Variants in POLR1C observed in about 807,000 individuals in gnomAD.
POLR1C encodes the protein RNA polymerase I and III subunit C, also known as DNA-directed RNA polymerases I and III subunit RPAC1.
POLR1C carries 42 observed loss-of-function variants against 38.3 expected under a neutral mutation model. The ratio of observed to expected loss-of-function variants is 1.10; its 90% CI spans 0.86 to 1.42. POLR1C has a LOEUF of 1.42. Ranked by LOEUF, POLR1C falls within the 40% of genes most tolerant of loss-of-function variation. The pLI, the probability that POLR1C is intolerant of heterozygous loss-of-function variation, is 0.00. For missense variants in POLR1C, 507 were observed against 450.5 expected (o/e 1.13, Z -1.14); for synonymous variants, 163 against 163.9 (o/e 0.99, Z 0.04).
chr6:43,529,008 T>G (rs1257714541), intron 8 of POLR1C: 1 of 1,320,598 alleles, frequency 7.6e-7, no homozygotes, highest in African/African-American at 1.5e-5. Flanking sequence ...CTGGGCAGAA[T>G]CAATCCCTAA....
chr6:43,534,381 A>G (rs1040115606), downstream of POLR1C, among the ~76,000 whole-genome samples: 1 of 152,218 alleles, frequency 6.6e-6, no homozygotes, highest in Admixed American at 6.5e-5. Context: ...GTAGGAACAC[A>G]GAGGAGGTGG....
downstream of POLR1C, among the ~76,000 whole-genome samples, chr6:43,521,824 C>T (rs181274288): frequency 5.3e-5 from 8 of 152,184 alleles, no homozygotes; most frequent in East Asian, 1.4e-3. Flanking sequence ...TGAGCCACCG[C>T]GAAAAACAGG....
intron 10 of POLR1C, chr6:43,555,359 A>C (rs1306983852): frequency 6.5e-6 from 1 of 153,996 alleles, no homozygotes; most frequent in East Asian, 1.9e-4. Context: ...ATTATTCTGA[A>C]TTTATGTAAA....
At chr6:43,524,011 G>A (rs1793369371), downstream of POLR1C, 1 of 1,610,936 alleles carries the variant, frequency 6.2e-7, no homozygotes, top group African/African-American at 1.3e-5. Flanking sequence ...GGTTTCTGTG[G>A]AAAACAAATG....
In POLR1C at chr6:43,527,430, C is replaced by T. The variant is rs966180720; in HGVS notation, c.923-1819C>T. 1.6e-5 allele frequency: 8 copies of T among 491,152 alleles called. No individual in the cohort carries two copies. In the East Asian group the frequency reaches 2.3e-4, roughly 14 times the overall value. The allele number at this position is 491,152 out of a possible 1,614,324, so 30.4% of individuals were successfully genotyped here. A position where few individuals can be genotyped will look rare whatever the true frequency, so the allele number is the denominator to read the frequency against. ...GGGACTACAGGCCTGCGCGCCACTA[C>T]GCCCAGCTAATTTTTGTATTATTAG... On this transcript the variant is annotated intron_variant, in intron 8 of 8. Transcript: ENST00000304004.
chr6:43,525,447 G>A (rs925759108), downstream of POLR1C: 3 of 534,418 alleles, frequency 5.6e-6, no homozygotes, highest in Non-Finnish European at 9.9e-6. Flanking sequence ...TTAGGAGCTG[G>A]AGTTTTAAAT....
chr6:43,543,729 C>T (rs1052655317), intron 9 of POLR1C, among the ~76,000 whole-genome samples: 1 of 151,666 alleles, frequency 6.6e-6, no homozygotes, highest in African/African-American at 2.4e-5. Context: ...ACAGGGAAGA[C>T]TCTTCCCTGT....
chr6:43,553,403 G>A, intron 10 of POLR1C: 2 of 1,607,832 alleles, frequency 1.2e-6, no homozygotes, highest in Non-Finnish European at 1.7e-6. Flanking sequence ...ACATCTGGGT[G>A]ATAACACTTT....
intron 9 of POLR1C, chr6:43,548,406 G>A (rs1463092890): frequency 6.2e-7 from 1 of 1,609,762 alleles, no homozygotes. Context: ...TGTGTCAGGA[G>A]TAGCTCATTG....
chr6:43,523,970 G>A (rs755270020), downstream of POLR1C: 20 of 1,613,886 alleles, frequency 1.2e-5, no homozygotes, highest in Non-Finnish European at 1.5e-5. Context: ...GATTCTTAAT[G>A]TGAACTTCTT....
Position 43,521,372 on chromosome 6 carries a change from G to A in POLR1C, c.*72G>A. On this transcript the variant is annotated 3_prime_UTR_variant, in exon 9 of 9. Transcript: ENST00000642195. Reference sequence around the variant, plus strand: ...CCACCCTACAGGACTGCTGAACAGAGAGCCCAGTGTGACTAGGGATCCTGA... The same window carrying A: ...CCACCCTACAGGACTGCTGAACAGAAAGCCCAGTGTGACTAGGGATCCTGA... 1 of 1,609,692 alleles carries A rather than the reference G, an allele frequency of 6.2e-7. No homozygotes were observed. The highest frequency in any genetic ancestry group is 1.3e-5 in the African/African-American group (1 of 74,968).
rs531214106 is a variant in POLR1C, at chr6:43,539,077, C to G, written c.*4+9718C>G. The G allele has an allele frequency of 4.1e-4, 582 of 1,433,276 alleles. 3 individuals are homozygous for G. The African/African-American group carries it at 7.2e-3, about 18-fold the overall frequency. The allele number at this position is 1,433,276 out of a possible 1,614,324, so 88.8% of individuals were successfully genotyped here. A position where few individuals can be genotyped will look rare whatever the true frequency, so the allele number is the denominator to read the frequency against. ...CAGCCATCATGAGCAGCTTCTTGGG[C>G]ACAGGTGCGGAGACAATGCCAGTGC... On this transcript the variant is annotated intron_variant, in intron 9 of 10. Coordinates refer to the POLR1C transcript ENST00000607635.
At chr6:43,520,905 TAA>T (rs1171110573) in intron 7 of POLR1C, 25 bp from the exon 8 acceptor site, 1 of 1,610,152 alleles carries the variant, frequency 6.2e-7, no homozygotes, top group Non-Finnish European at 8.5e-7. Flanking sequence ...GAAAAAGGAA[TAA>T]AAAAACATGG....
At chr6:43,517,681 G>C (rs945374904) in intron 2 of POLR1C, among the ~76,000 whole-genome samples, 26 of 152,146 alleles carry the variant, frequency 1.7e-4, no homozygotes. Flanking sequence ...AGACCAGGAA[G>C]AGGGGCGGAG....
At chr6:43,549,829 T>A in intron 9 of POLR1C, 1 of 1,481,032 alleles carries the variant, frequency 6.8e-7, no homozygotes, top group Non-Finnish European at 9.3e-7. Flanking sequence ...ATAAACTGAG[T>A]ATCAGGTATT....
intron 9 of POLR1C, among the ~76,000 whole-genome samples, chr6:43,545,227 C>A (rs1315526658): frequency 1.3e-5 from 2 of 152,138 alleles, no homozygotes; most frequent in Non-Finnish European, 2.9e-5. Flanking sequence ...ATCAGACACT[C>A]CAGCCCTCCA....
downstream of POLR1C, chr6:43,522,702 CG>C: frequency 2.0e-6 from 1 of 498,702 alleles, no homozygotes. Flanking sequence ...CTTCGGCTCT[CG>C]GGGAAACCCT....
At chr6:43,525,318 C>T (rs1036332533), downstream of POLR1C, 9 of 1,112,500 alleles carry the variant, frequency 8.1e-6, no homozygotes, top group African/African-American at 4.7e-5. Flanking sequence ...TTCCTCCCCC[C>T]CTCTAAAGAT....
In POLR1C at chr6:43,519,405, A is replaced by T. The variant is rs755497110; in HGVS notation, c.214A>T (p.Ile72Phe). The stretch of plus-strand genomic sequence containing the variant: ...TGACATGGTGGGAATTGACGCAGCC[A>T]TTGCCAATGCTTTTCGACGAATTCT... ...EFDMVGIDAA[I>F]ANAFRRILLA... Residue 72 changes from isoleucine (I) to phenylalanine (F), a missense_variant, in exon 3 of 9, where the codon ATT becomes TTT. Physicochemically the swap from Ile to Phe is conservative, Grantham distance 21. Transcript: ENST00000642195. 3 of 1,613,980 alleles carry T rather than the reference A, an allele frequency of 1.9e-6. No individual in the cohort carries two copies. Among genetic ancestry groups the T allele is most frequent in the Non-Finnish European group, 2.5e-6 (3 of 1,179,830 alleles).
Sources: gnomAD v4.1 joint callset for allele counts (sites outside exome capture counted in the v4.1 genomes callset) on GRCh38, gnomAD v4.1.1 for gene constraint, MANE v1.5 for transcripts, NCBI Gene and HGNC (gene_info 2026-07-23, HGNC 2026-07-21) for gene names.